Variants in UBE2E1 observed in about 807,000 individuals in gnomAD.
UBE2E1 encodes the protein ubiquitin conjugating enzyme E2 E1, also known as ubiquitin-conjugating enzyme E2 E1.
In UBE2E1, 6 loss-of-function variants were observed where a neutral mutation model predicts 21.4. The observed-to-expected ratio is 0.28, with a 90% confidence interval of 0.15 to 0.55. The LOEUF (loss-of-function observed/expected upper bound fraction) is 0.55, where lower values mean the gene tolerates loss of function less well. Among genes scored for constraint, UBE2E1 ranks in the 20% least tolerant of loss-of-function variants. The pLI is 0.93. For synonymous variants in UBE2E1, 87 were observed against 82.7 expected (o/e 1.05, Z -0.28); for missense variants, 142 against 236.5 (o/e 0.60, Z 2.62).
At chr3:23,877,072 G>T (rs1014486989) in intron 3 of UBE2E1, among the ~76,000 whole-genome samples, 1 of 152,230 alleles carries the variant, frequency 6.6e-6, no homozygotes, top group African/African-American at 2.4e-5. Flanking sequence ...CTCTGTAGCT[G>T]GCTTCTCAAA....
chr3:23,880,818 C>A (rs1483323041), intron 3 of UBE2E1, among the ~76,000 whole-genome samples: 1 of 152,176 alleles, frequency 6.6e-6, no homozygotes, highest in Non-Finnish European at 1.5e-5. Flanking sequence ...GGGAACACAA[C>A]AGATTCTAGT....
At chr3:23,886,443 A>C (rs1464718590) in intron 3 of UBE2E1, among the ~76,000 whole-genome samples, 2 of 152,120 alleles carry the variant, frequency 1.3e-5, no homozygotes, top group Non-Finnish European at 2.9e-5. Flanking sequence ...ATTACCCGCT[A>C]TTCGGTTGCC....
rs536582921 is a variant in UBE2E1, at chr3:23,807,356, C to T, written c.87C>T (p.Pro29=). ...NQQTEKETNT[P]KKKESKVSMS... is the part of the protein sequence containing the mutation. ...AAACCGAGAAAGAAACAAACACCCC[C>T]AAGAAGAAGGAGAGTAAAGTCAGCA... Residue 29 remains proline (P), a synonymous_variant, in exon 2 of 6, where the codon CCC becomes CCT. Coordinates refer to ENST00000306627, the MANE Select transcript of UBE2E1 (RefSeq NM_003341.5). 6.2e-7 allele frequency: 1 copy of T among 1,613,934 alleles called. No individual in the cohort carries two copies. The highest frequency in any genetic ancestry group is 1.3e-5 in the African/African-American group (1 of 74,994).
intron 3 of UBE2E1, among the ~76,000 whole-genome samples, chr3:23,862,316 T>G (rs1700575360): frequency 6.6e-6 from 1 of 152,196 alleles, no homozygotes; most frequent in South Asian, 2.1e-4. Context: ...GAAACACATC[T>G]CTGTACCAAA....
chr3:23,818,545 T>C (rs1699575814), intron 3 of UBE2E1, among the ~76,000 whole-genome samples: 1 of 152,190 alleles, frequency 6.6e-6, no homozygotes, highest in Non-Finnish European at 1.5e-5. Context: ...CCCTTCACCG[T>C]GATTCCTCAG....
At chr3:23,874,969 C>G (rs6798386) in intron 3 of UBE2E1, among the ~76,000 whole-genome samples, 58,983 of 151,996 alleles carry the variant, frequency 0.39, 11,777 homozygotes, top group Middle Eastern at 0.54. Flanking sequence ...GTACTAATAA[C>G]TCCTCATTCA....
intron 3 of UBE2E1, among the ~76,000 whole-genome samples, chr3:23,831,518 C>CTTTTTTT (rs11430039): frequency 7.3e-6 from 1 of 137,200 alleles, no homozygotes; most frequent in Non-Finnish European, 1.5e-5. Context: ...AAAATGAATA[C>CTTTTTTT]TTTTTTTTTT....
rs758156787 is a variant in UBE2E1 at position 23,807,258 on chromosome 3, G to C, written c.-12G>C. ...GCAGGGGCTGTTTGCGGGGTGGGGT[G>C]GGGGGTTCGCTATGTCGGATGACGA... On this transcript the variant is annotated 5_prime_UTR_variant, in exon 2 of 6. Coordinates refer to ENST00000306627, the MANE Select transcript of UBE2E1 (RefSeq NM_003341.5). 1.1e-5 allele frequency: 18 copies of C among 1,609,182 alleles called. 1 individual carries two copies. The South Asian group carries it at 1.3e-4, about 12-fold the overall frequency.
At chr3:23,809,506 G>A (rs1322832074) in intron 2 of UBE2E1, among the ~76,000 whole-genome samples, 1 of 152,228 alleles carries the variant, frequency 6.6e-6, no homozygotes, top group Non-Finnish European at 1.5e-5. Flanking sequence ...CCCATTGCAA[G>A]TGGTCTGAAC....
In UBE2E1 at chr3:23,826,311, G is replaced by T. The variant is rs78936374; in HGVS notation, c.203+14801G>T. Reference sequence around the variant, plus strand: ...GCTGGTCTTGACGTAAAGGTTGGATGAAGTGTGAATGTTTGTAATGCATAC... The same window carrying T: ...GCTGGTCTTGACGTAAAGGTTGGATTAAGTGTGAATGTTTGTAATGCATAC... On this transcript the variant is annotated intron_variant, in intron 3 of 5. Transcript: ENST00000306627. Among the ~76,000 whole-genome samples, 926 of 152,352 alleles carry T rather than the reference G, an allele frequency of 6.1e-3. 6 individuals are homozygous for T. Among genetic ancestry groups the T allele is most frequent in the Middle Eastern group, 0.017 (5 of 294 alleles).
At chr3:23,889,680 A>G (rs1037859683) in intron 5 of UBE2E1, 5 of 985,284 alleles carry the variant, frequency 5.1e-6, no homozygotes, top group Admixed American at 6.2e-5. Flanking sequence ...ATGGCACTCA[A>G]TTTTGAAAAT....
intron 4 of UBE2E1, among the ~76,000 whole-genome samples, chr3:23,888,017 TGG>T (rs2125331266): frequency 6.6e-6 from 1 of 152,280 alleles, no homozygotes; most frequent in Non-Finnish European, 1.5e-5. Flanking sequence ...AGGTTAAAAA[TGG>T]TGTCAAGCCA....
intron 3 of UBE2E1, among the ~76,000 whole-genome samples, chr3:23,861,664 C>T (rs1174305276): frequency 2.6e-5 from 4 of 152,186 alleles, no homozygotes; most frequent in Admixed American, 6.5e-5. Context: ...GGTGGATGGA[C>T]GTCGAGAGGA....
At position 23,890,731 on chromosome 3, in the gene UBE2E1, G is replaced by T; in HGVS notation, c.*125G>T. ...GTATTTCTATAACAGATATTATTCA[G>T]TCTTATTTCCTAAGATTTTGTTGTA... On this transcript the variant is annotated 3_prime_UTR_variant, in exon 6 of 6. Transcript: ENST00000306627. 1 of 794,164 alleles carries T rather than the reference G, an allele frequency of 1.3e-6. No homozygotes were observed. The highest frequency in any genetic ancestry group is 1.8e-6 in the Non-Finnish European group (1 of 547,176). The allele number at this position is 794,164 out of a possible 1,614,324, so 49.2% of individuals were successfully genotyped here. A position where few individuals can be genotyped will look rare whatever the true frequency, so the allele number is the denominator to read the frequency against.
At chr3:23,807,201 T>C in intron 1 of UBE2E1, 36 bp from the exon 2 acceptor site, 1 of 1,517,868 alleles carries the variant, frequency 6.6e-7, no homozygotes, top group South Asian at 1.3e-5. Flanking sequence ...GGCTGCATGG[T>C]TTGTGTGTTT....
Position 23,838,076 on chromosome 3 carries a change from A to T in UBE2E1, c.203+26566A>T, listed in dbSNP as rs529193210. On this transcript the variant is annotated intron_variant, in intron 3 of 5. Coordinates refer to ENST00000306627, the MANE Select transcript of UBE2E1 (RefSeq NM_003341.5). The stretch of plus-strand genomic sequence containing the variant: ...TTTCTTTATTTTTATTATTTATTTT[A>T]TTTTTTTTTGAGACAAGGTCTTGTT... 5.6e-4 allele frequency among the ~76,000 whole-genome samples: 84 copies of T among 150,878 alleles called. 1 individual carries two copies. In the East Asian group the frequency reaches 0.014, roughly 25 times the overall value.
In UBE2E1 at chr3:23,842,240, TG is replaced by T. The variant is rs1700106452; in HGVS notation, c.203+30731del. Among the ~76,000 whole-genome samples, 1 of 72,206 alleles carries T rather than the reference TG, an allele frequency of 1.4e-5. No homozygotes were observed. The highest frequency in any genetic ancestry group is 5.6e-5 in the African/African-American group (1 of 17,782). 47.4% of individuals were successfully genotyped at this position (72,206 alleles called of 152,430 possible). The stretch of plus-strand genomic sequence containing the variant: ...GTGTGTGTGTGTGTGTGTGTGTGTG[TG>T]TGTGTGTGGTGTTGTTGTTGTTGGC... On this transcript the variant is annotated intron_variant, in intron 3 of 5. Coordinates refer to ENST00000306627, the MANE Select transcript of UBE2E1 (RefSeq NM_003341.5). The surrounding 1 kb of genome is among the most constrained non-coding windows in gnomAD (Gnocchi z 4.6).
chr3:23,818,069 AAG>A (rs1307381920), intron 3 of UBE2E1, among the ~76,000 whole-genome samples: 1 of 152,102 alleles, frequency 6.6e-6, no homozygotes, highest in Non-Finnish European at 1.5e-5. Context: ...GTGGAGAGGA[AAG>A]AGAGGTAGAA....
In UBE2E1 at chr3:23,887,176, T is replaced by C. The variant is rs1271567630; in HGVS notation, c.204-391T>C. On this transcript the variant is annotated intron_variant, in intron 3 of 5. Transcript: ENST00000306627. This position sits in a 1 kb window ranked among gnomAD's most constrained non-coding sequence, Gnocchi z 4.4. ...GGGTCAGAAAATGAAACTTCTGTGC[T>C]TAAAATGGTCATAAGTGATGTAGCT... 2.0e-5 allele frequency among the ~76,000 whole-genome samples: 3 copies of C among 152,230 alleles called. No individual in the cohort carries two copies. Among genetic ancestry groups the C allele is most frequent in the African/African-American group, 4.8e-5 (2 of 41,462 alleles).
Sources: allele counts gnomAD v4.1 joint callset (sites outside exome capture counted in the v4.1 genomes callset), GRCh38; gene constraint gnomAD v4.1.1; non-coding constraint Gnocchi (gnomAD v3.1); transcripts MANE v1.5; gene names NCBI Gene and HGNC (gene_info 2026-07-23, HGNC 2026-07-21).